Variants in CPA6 observed in about 807,000 individuals in gnomAD.
The protein encoded by CPA6 is carboxypeptidase B.
Under a neutral mutation model 63.3 loss-of-function variants are expected in CPA6, and 58 were observed. That is an observed-to-expected ratio of 0.92 (90% CI 0.74 to 1.14). The LOEUF (loss-of-function observed/expected upper bound fraction) is 1.14, where lower values mean the gene tolerates loss of function less well. Ranked by LOEUF, CPA6 falls within the 50% of genes most tolerant of loss-of-function variation. The pLI, the probability that CPA6 is intolerant of heterozygous loss-of-function variation, is 0.00. For missense variants in CPA6, 565 were observed against 526.6 expected, an observed-to-expected ratio of 1.07 and a Z score of -0.71; for synonymous variants, 185 against 179.0, an observed-to-expected ratio of 1.03 and a Z score of -0.27.
At chr8:67,576,650 T>C (rs1001419890) in intron 2 of CPA6, among the ~76,000 whole-genome samples, 2 of 152,238 alleles carry the variant, frequency 1.3e-5, no homozygotes, top group Admixed American at 6.5e-5. Flanking sequence ...TATACATATC[T>C]GATGATATGA....
At chr8:67,681,645 A>G (rs1459089817) in intron 1 of CPA6, among the ~76,000 whole-genome samples, 1 of 152,142 alleles carries the variant, frequency 6.6e-6, no homozygotes, top group Non-Finnish European at 1.5e-5. Flanking sequence ...GATATTCAGC[A>G]CCATTTGTTG....
At position 67,598,754 on chromosome 8, in the gene CPA6, T is replaced by C. The variant is rs141255226; in HGVS notation, c.192+25422A>G. ...ACATTTACTTTCTTAAAAATAACTT[T>C]TATGTCTAAACAAATACATTTTTCT... On this transcript the variant is annotated intron_variant, in intron 2 of 10. Transcript: ENST00000297770. Among the ~76,000 whole-genome samples, 46 of 152,306 alleles carry C rather than the reference T, an allele frequency of 3.0e-4. 1 individual carries two copies. The East Asian group carries it at 8.3e-3, about 27-fold the overall frequency.
intron 3 of CPA6, among the ~76,000 whole-genome samples, chr8:67,517,358 T>G (rs1812166621): frequency 6.6e-6 from 1 of 152,066 alleles, no homozygotes; most frequent in South Asian, 2.1e-4. Flanking sequence ...CCTATCCCCT[T>G]CACCCCGCCC....
chr8:67,593,354 A>G (rs1268186367), intron 2 of CPA6, among the ~76,000 whole-genome samples: 3 of 151,780 alleles, frequency 2.0e-5, no homozygotes, highest in Non-Finnish European at 2.9e-5. Context: ...AAAAAAATGT[A>G]TATTCTGTTG....
chr8:67,734,630 A>T (rs189482421), intron 1 of CPA6, among the ~76,000 whole-genome samples: 101 of 152,186 alleles, frequency 6.6e-4, no homozygotes, highest in African/African-American at 2.3e-3. Flanking sequence ...CAAATTTCTA[A>T]CTGCTGCAAA....
Position 67,521,091 on chromosome 8 carries a change from A to G in CPA6, c.193-3044T>C, listed in dbSNP as rs114163926. Among the ~76,000 whole-genome samples, 989 of 152,368 alleles carry G rather than the reference A, an allele frequency of 6.5e-3. 10 individuals carry two copies. The highest frequency in any genetic ancestry group is 0.021 in the African/African-American group (885 of 41,580). On this transcript the variant is annotated intron_variant, in intron 2 of 10. Coordinates refer to ENST00000297770, the MANE Select transcript of CPA6 (RefSeq NM_020361.5). ...GTGATTCTGGGCTACAACATAACAA[A>G]AGTATCAAGAACCTTATCAGGATGG...
intron 1 of CPA6, among the ~76,000 whole-genome samples, chr8:67,703,962 TG>T (rs1449382349): frequency 6.6e-6 from 1 of 152,182 alleles, no homozygotes; most frequent in African/African-American, 2.4e-5. Context: ...TGTTTTGTTT[TG>T]AGTTAGCACC....
chr8:67,619,337 C>G (rs1815027302), intron 2 of CPA6, among the ~76,000 whole-genome samples: 1 of 152,204 alleles, frequency 6.6e-6, no homozygotes. Flanking sequence ...AACTTAGCAG[C>G]TTAAAACAAT....
intron 1 of CPA6, among the ~76,000 whole-genome samples, chr8:67,630,313 A>T (rs114914921): frequency 0.019 from 2,941 of 152,084 alleles, 41 homozygotes; most frequent in East Asian, 0.034. Context: ...GGGACCATGT[A>T]GACATGCTGA....
chr8:67,534,563 G>T (rs1385238), intron 2 of CPA6, among the ~76,000 whole-genome samples: 1 of 152,142 alleles, frequency 6.6e-6, no homozygotes, highest in Non-Finnish European at 1.5e-5. Context: ...TCATAGAATA[G>T]ATGCACATTG....
chr8:67,601,976 G>A (rs1814508431), intron 2 of CPA6, among the ~76,000 whole-genome samples: 1 of 152,146 alleles, frequency 6.6e-6, no homozygotes, highest in Admixed American at 6.6e-5. Flanking sequence ...ATCAGTAGAA[G>A]ACTGGTTAAG....
At chr8:67,484,886 C>A (rs549813388) in intron 6 of CPA6, 97 bp from the exon 7 acceptor site, 1 of 601,252 alleles carries the variant, frequency 1.7e-6, no homozygotes, top group South Asian at 2.4e-5. Context: ...CTACCAAATA[C>A]GGTGGTTTAA....
chr8:67,483,965 T>G, intron 7 of CPA6, 107 bp from the exon 8 acceptor site: 1 of 917,630 alleles, frequency 1.1e-6, no homozygotes, highest in Non-Finnish European at 1.7e-6. Context: ...AGGGGAGAGT[T>G]CTCCTGTGAA....
intron 2 of CPA6, among the ~76,000 whole-genome samples, chr8:67,546,688 T>A (rs1812825003): frequency 6.6e-6 from 1 of 152,150 alleles, no homozygotes; most frequent in Non-Finnish European, 1.5e-5. Context: ...AATTTACACT[T>A]ATTTATTTAT....
chr8:67,709,070 T>G (rs1817198665), intron 1 of CPA6, among the ~76,000 whole-genome samples: 2 of 152,028 alleles, frequency 1.3e-5, no homozygotes. Context: ...AGAGGCAAAA[T>G]GGTAGCATTT....
At chr8:67,548,867 G>C (rs1483317154) in intron 2 of CPA6, among the ~76,000 whole-genome samples, 1 of 152,186 alleles carries the variant, frequency 6.6e-6, no homozygotes, top group Non-Finnish European at 1.5e-5. Flanking sequence ...TGCAGTTCCA[G>C]AGATTAGTCG....
At chr8:67,726,693 A>T (rs1315421538) in intron 1 of CPA6, among the ~76,000 whole-genome samples, 1 of 152,188 alleles carries the variant, frequency 6.6e-6, no homozygotes, top group African/African-American at 2.4e-5. Flanking sequence ...TTGAAAATCC[A>T]TTTACTTAAA....
intron 1 of CPA6, among the ~76,000 whole-genome samples, chr8:67,713,357 C>A (rs1237077590): frequency 6.6e-6 from 1 of 151,660 alleles, no homozygotes; most frequent in East Asian, 1.9e-4. Context: ...GACTACCATA[C>A]CTGGAGTTTG....
At chr8:67,492,286 A>G (rs1409315447) in intron 6 of CPA6, among the ~76,000 whole-genome samples, 1 of 152,228 alleles carries the variant, frequency 6.6e-6, no homozygotes, top group Admixed American at 6.5e-5. Flanking sequence ...ACCTGGCAAC[A>G]CTTCACATTA....
Sources: gnomAD v4.1 joint callset for allele counts (sites outside exome capture counted in the v4.1 genomes callset) on GRCh38, gnomAD v4.1.1 for gene constraint, MANE v1.5 for transcripts, NCBI Gene and HGNC (gene_info 2026-07-23, HGNC 2026-07-21) for gene names.